PCDHA1: variants seen among roughly 807,000 people sequenced by gnomAD.
PCDHA1 encodes the protein protocadherin alpha 1, also known as protocadherin alpha-1.
Under a neutral mutation model 61.3 loss-of-function variants are expected in PCDHA1, and 42 were observed. The ratio of observed to expected loss-of-function variants is 0.69; its 90% CI spans 0.54 to 0.89. The LOEUF (loss-of-function observed/expected upper bound fraction) is 0.89, where lower values mean the gene tolerates loss of function less well. Ranked by LOEUF, PCDHA1 falls within the 40% of genes least tolerant of loss-of-function variation. The pLI is 0.00. For missense variants in PCDHA1, 1,256 were observed against 1,235.3 expected, an observed-to-expected ratio of 1.02 and a Z score of -0.25; for synonymous variants, 610 against 553.8, an observed-to-expected ratio of 1.10 and a Z score of -1.43.
chr5:140,871,692 C>A, intron 1 of PCDHA1: 2 of 997,190 alleles, frequency 2.0e-6, no homozygotes, highest in Non-Finnish European at 2.9e-6. Flanking sequence ...AATCTGGCTT[C>A]TTTAACCAAT....
chr5:140,824,171 C>A, intron 1 of PCDHA1: 1 of 1,610,416 alleles, frequency 6.2e-7, no homozygotes, highest in Non-Finnish European at 8.5e-7. Flanking sequence ...TCCCAATTTT[C>A]AAATATTAAA....
rs782692143 is a variant in PCDHA1 at position 140,796,820 on chromosome 5, G to C, written c.2394+8136G>C. 5 of 1,614,132 alleles carry C rather than the reference G, an allele frequency of 3.1e-6. No homozygotes were observed. In the South Asian group the frequency reaches 4.4e-5, roughly 14 times the overall value. On this transcript the variant is annotated intron_variant, in intron 1 of 3. Coordinates refer to ENST00000504120, the MANE Select transcript of PCDHA1 (RefSeq NM_018900.4). ...CTTCAGCTGGGTACTGGCAGCGCTC[G>C]CATCCCGTTCCGCGTGGGGCTATAC...
intron 3 of PCDHA1, among the ~76,000 whole-genome samples, chr5:140,993,683 G>A (rs2097577653): frequency 6.6e-6 from 1 of 152,080 alleles, no homozygotes; most frequent in Non-Finnish European, 1.5e-5. Flanking sequence ...TGTGACAGCT[G>A]TCCCATAAGA....
rs185216314 is a variant in PCDHA1, at chr5:140,968,202, A to G, written c.2395-10747A>G. On this transcript the variant is annotated intron_variant, in intron 1 of 3. Transcript: ENST00000504120. ...GAGGACTCCTATTCCATCTACATACAGGAGAACAATTTGCCAGGTGTGTTG... is the reference window on the plus strand; with the variant it reads ...GAGGACTCCTATTCCATCTACATACGGGAGAACAATTTGCCAGGTGTGTTG... The G allele has an allele frequency of 3.7e-5, 60 of 1,614,044 alleles. 1 individual carries two copies. The East Asian group carries it at 1.1e-3, about 29-fold the overall frequency.
intron 1 of PCDHA1, among the ~76,000 whole-genome samples, chr5:140,947,497 T>A (rs1289449406): frequency 6.6e-6 from 1 of 151,724 alleles, no homozygotes; most frequent in Non-Finnish European, 1.5e-5. Flanking sequence ...ATAGGTCATT[T>A]AAATTTTCAT....
chr5:140,876,301 A>G (rs2056269338), intron 1 of PCDHA1: 2 of 1,614,076 alleles, frequency 1.2e-6, no homozygotes, highest in East Asian at 4.5e-5. Flanking sequence ...TAATGGAGAA[A>G]TTTCCTATGG....
At chr5:140,966,724 CGCCTCCGGCCCTGCCCGGCT>C (rs1563354102) in intron 1 of PCDHA1, 1 of 1,396,284 alleles carries the variant, frequency 7.2e-7, no homozygotes, top group Admixed American at 3.3e-5. Flanking sequence ...GGGAAGCTGC[CGCCTCCGGCCCTGCCCGGCT>C]GCCTCCGCCG....
At chr5:140,986,044 G>A (rs1261726247) in intron 3 of PCDHA1, among the ~76,000 whole-genome samples, 4 of 152,078 alleles carry the variant, frequency 2.6e-5, no homozygotes, top group African/African-American at 9.7e-5. Flanking sequence ...TGGCCTCACT[G>A]ATGAATTCTT....
intron 1 of PCDHA1, among the ~76,000 whole-genome samples, chr5:140,925,025 C>T (rs1180931899): frequency 6.6e-6 from 1 of 151,492 alleles, no homozygotes; most frequent in Non-Finnish European, 1.5e-5. Context: ...ATGGGAGGAT[C>T]GCTTGAGCCC....
At chr5:140,803,193 C>A in intron 1 of PCDHA1, 2 of 1,613,904 alleles carry the variant, frequency 1.2e-6, no homozygotes, top group Non-Finnish European at 1.7e-6. Flanking sequence ...GGCCACTGTG[C>A]TGGTGTCGCT....
intron 1 of PCDHA1, chr5:140,802,604 G>A (rs1186324887): frequency 4.3e-6 from 7 of 1,613,984 alleles, no homozygotes; most frequent in African/African-American, 1.3e-5. Context: ...AGAACAACCC[G>A]CCGGGCTGCC....
intron 1 of PCDHA1, chr5:140,882,487 C>G: frequency 6.2e-7 from 1 of 1,614,054 alleles, no homozygotes; most frequent in Non-Finnish European, 8.5e-7. Flanking sequence ...GACACGGGGA[C>G]CTTCTGGAGG....
rs116346509 is a variant in PCDHA1 at position 140,904,582 on chromosome 5, G to A, written c.2395-74367G>A. ...TTTTTTTCCTCTGGGTAGACACCCA[G>A]TAGTGGGACTGCTGGATCAAATAGT... On this transcript the variant is annotated intron_variant, in intron 1 of 3. Transcript: ENST00000504120. Among the ~76,000 whole-genome samples, 650 of 152,092 alleles carry A rather than the reference G, an allele frequency of 4.3e-3. 5 individuals are homozygous for A. The highest frequency in any genetic ancestry group is 5.5e-3 in the Non-Finnish European group (373 of 67,986).
intron 1 of PCDHA1, among the ~76,000 whole-genome samples, chr5:140,874,942 C>T (rs2055181968): frequency 6.6e-6 from 1 of 152,060 alleles, no homozygotes; most frequent in African/African-American, 2.4e-5. Context: ...ATTGAAACAG[C>T]GGAATTGTAA....
intron 1 of PCDHA1, chr5:140,966,271 T>C: frequency 2.8e-6 from 1 of 355,706 alleles, no homozygotes; most frequent in Non-Finnish European, 5.0e-6. Flanking sequence ...CTGGATGAAC[T>C]GGACAGTGGG....
intron 1 of PCDHA1, among the ~76,000 whole-genome samples, chr5:140,897,588 T>C (rs1554187466): frequency 6.6e-6 from 1 of 152,172 alleles, no homozygotes; most frequent in African/African-American, 2.4e-5. Flanking sequence ...CAGTCTGTCA[T>C]TGTTGGACAT....
At chr5:140,797,220 G>T (rs1466884034) in intron 1 of PCDHA1, 1 of 1,614,214 alleles carries the variant, frequency 6.2e-7, no homozygotes, top group Non-Finnish European at 8.5e-7. Context: ...CTTACTCGCA[G>T]CAGAGGCGGC....
chr5:140,859,865 C>T (rs2046056665), intron 1 of PCDHA1: 1 of 151,972 alleles, frequency 6.6e-6, no homozygotes, highest in African/African-American at 2.4e-5. Context: ...GAAATATATA[C>T]TTCCCCCTCT....
chr5:140,914,944 CTTTTTT>C (rs35695909), intron 1 of PCDHA1, among the ~76,000 whole-genome samples: 1 of 128,266 alleles, frequency 7.8e-6, no homozygotes, highest in Non-Finnish European at 1.7e-5. Flanking sequence ...GAAAAGTTGT[CTTTTTT>C]TTTTTTTTTT....
Sources: allele counts gnomAD v4.1 joint callset (sites outside exome capture counted in the v4.1 genomes callset), GRCh38; gene constraint gnomAD v4.1.1; transcripts MANE v1.5; gene names NCBI Gene and HGNC (gene_info 2026-07-23, HGNC 2026-07-21).